Variants in ZNF718 observed in about 807,000 individuals in gnomAD.
ZNF718 encodes zinc finger protein 718.
Under a neutral mutation model 2.6 loss-of-function variants are expected in ZNF718, and 3 were observed. That is an observed-to-expected ratio of 1.16 (90% CI 0.53 to 3.01). ZNF718 has a LOEUF of 3.01. Among genes scored for constraint, ZNF718 ranks in the 30% most tolerant of loss-of-function variants. The probability of loss-of-function intolerance (pLI) is 0.03; values close to 1 mark genes in which losing one functional copy is unlikely to be tolerated. For synonymous variants in ZNF718, 135 were observed against 77.9 expected (o/e 1.73, Z -3.86); for missense variants, 468 against 230.0 (o/e 2.03, Z -6.69).
intron 3 of ZNF718, among the ~76,000 whole-genome samples, chr4:180,493 A>G (rs1717442582): frequency 6.6e-6 from 1 of 152,242 alleles, no homozygotes; most frequent in Admixed American, 6.5e-5. Flanking sequence ...GACAATCACA[A>G]GCAATTTCAC....
intron 3 of ZNF718, among the ~76,000 whole-genome samples, chr4:136,928 G>T (rs1715596060): frequency 6.6e-6 from 1 of 152,166 alleles, no homozygotes. Flanking sequence ...ATGTCAAGTT[G>T]CAGTCCCTAG....
At position 163,128 on chromosome 4, in the gene ZNF718, G is replaced by A. The variant is rs1176476504; in HGVS notation, c.*1006G>A. On this transcript the variant is annotated 3_prime_UTR_variant, in exon 4 of 4. Coordinates refer to ENST00000510175, the MANE Select transcript of ZNF718 (RefSeq NM_001039127.6). Reference sequence around the variant, plus strand: ...CAACTTATTGTTTATATGAAAGCATGTGATGAATTGTTGCATCAGAGGTAT... The same window carrying A: ...CAACTTATTGTTTATATGAAAGCATATGATGAATTGTTGCATCAGAGGTAT... 2 of 152,048 alleles carry A rather than the reference G, an allele frequency of 1.3e-5. No individual in the cohort carries two copies. The highest frequency in any genetic ancestry group is 6.5e-5 in the Admixed American group (1 of 15,270). The allele number at this position is 152,048 out of a possible 1,614,324, so 9.4% of individuals were successfully genotyped here.
At chr4:148,941 G>T (rs1188433675) in intron 3 of ZNF718, among the ~76,000 whole-genome samples, 1 of 152,154 alleles carries the variant, frequency 6.6e-6, no homozygotes, top group East Asian at 1.9e-4. Flanking sequence ...ACTATGATGG[G>T]CAAGCATGCC....
chr4:143,992 G>T (rs1715931935), intron 3 of ZNF718, among the ~76,000 whole-genome samples: 1 of 152,076 alleles, frequency 6.6e-6, no homozygotes, highest in South Asian at 2.1e-4. Context: ...TGGAGGCAGG[G>T]ACCATAAGCC....
chr4:186,477 A>G (rs1157555484), intron 3 of ZNF718, among the ~76,000 whole-genome samples: 1 of 152,092 alleles, frequency 6.6e-6, no homozygotes, highest in Admixed American at 6.6e-5. Context: ...TGGTCTTTTC[A>G]TGGAGTATCT....
downstream of ZNF718, among the ~76,000 whole-genome samples, chr4:166,140 G>A (rs551877301): frequency 8.5e-5 from 13 of 152,184 alleles, no homozygotes; most frequent in Non-Finnish European, 1.9e-4. Context: ...TGAGAATGAT[G>A]GTTTCCAGCT....
chr4:128,079 G>C lies in ZNF718; in HGVS notation c.4-2709G>C, dbSNP rs1715276835. On this transcript the variant is annotated intron_variant, in intron 1 of 3. Transcript: ENST00000510175. ...CCTCCATGAGGTGATCTCTCCTCTG[G>C]TTTTACTCTGCTTACTCTAACCCCT... is the stretch of plus-strand genomic sequence containing the variant. 6.7e-5 allele frequency among the ~76,000 whole-genome samples: 7 copies of C among 103,902 alleles called. 2 individuals carry two copies. The highest frequency in any genetic ancestry group is 2.3e-4 in the African/African-American group (7 of 29,850). 68.2% of individuals were successfully genotyped at this position (103,902 alleles called of 152,430 possible). A position where few individuals can be genotyped will look rare whatever the true frequency, so the allele number is the denominator to read the frequency against.
At chr4:136,609 C>A (rs544567976) in intron 3 of ZNF718, among the ~76,000 whole-genome samples, 1 of 152,364 alleles carries the variant, frequency 6.6e-6, no homozygotes, top group East Asian at 1.9e-4. Context: ...TGAGGTTTCA[C>A]AACCCTAGCC....
chr4:178,234 G>T (rs1392163703), intron 3 of ZNF718, among the ~76,000 whole-genome samples: 1 of 151,770 alleles, frequency 6.6e-6, no homozygotes, highest in Non-Finnish European at 1.5e-5. Flanking sequence ...GACATCCTGG[G>T]CTCAAACAAT....
intron 3 of ZNF718, chr4:141,970 T>C (rs937189594): frequency 1.4e-5 from 7 of 516,760 alleles, no homozygotes; most frequent in Non-Finnish European, 2.7e-5. Context: ...ATTATTATGC[T>C]ACAGTATATT....
At chr4:142,665 A>G (rs1715863627) in intron 3 of ZNF718, among the ~76,000 whole-genome samples, 2 of 152,234 alleles carry the variant, frequency 1.3e-5, no homozygotes, top group East Asian at 3.8e-4. Flanking sequence ...GTTACACAAT[A>G]GACTTTAAAT....
chr4:175,144 A>G (rs1717321694), intron 3 of ZNF718, among the ~76,000 whole-genome samples: 1 of 152,158 alleles, frequency 6.6e-6, no homozygotes, highest in South Asian at 2.1e-4. Flanking sequence ...AAAATCCCTG[A>G]CTCAATTTCA....
intron 3 of ZNF718, among the ~76,000 whole-genome samples, chr4:170,482 C>T (rs1262294274): frequency 2.0e-5 from 3 of 152,220 alleles, no homozygotes; most frequent in African/African-American, 4.8e-5. Flanking sequence ...CTTTCAGGTA[C>T]ACCAATCAGA....
intron 3 of ZNF718, among the ~76,000 whole-genome samples, chr4:152,198 C>T (rs2108796253): frequency 1.4e-5 from 2 of 145,856 alleles, no homozygotes; most frequent in South Asian, 4.6e-4. Flanking sequence ...TTCCATTGCC[C>T]AGGGACAGGC....
chr4:157,009 C>T (rs895979924), intron 3 of ZNF718, among the ~76,000 whole-genome samples: 44 of 150,964 alleles, frequency 2.9e-4, no homozygotes, highest in Non-Finnish European at 5.9e-4. Flanking sequence ...TAAATTGTTT[C>T]AATTTTTAGC....
chr4:128,303 T>G lies in ZNF718; in HGVS notation c.4-2485T>G, dbSNP rs1407939702. ...TGGGGCCCTTTGAGTTTTCCAGATCTTGTTCAGTGACCTGCTACAGCTGTG... is the reference window on the plus strand; with the variant it reads ...TGGGGCCCTTTGAGTTTTCCAGATCGTGTTCAGTGACCTGCTACAGCTGTG... On this transcript the variant is annotated intron_variant, in intron 1 of 3. Coordinates refer to ENST00000510175, the MANE Select transcript of ZNF718 (RefSeq NM_001039127.6). 2.9e-5 allele frequency among the ~76,000 whole-genome samples: 3 copies of G among 103,834 alleles called. 1 individual carries two copies. The highest frequency in any genetic ancestry group is 6.4e-5 in the Non-Finnish European group (3 of 46,660). 68.1% of individuals were successfully genotyped at this position (103,834 alleles called of 152,430 possible).
rs1230730497 is a variant in ZNF718, at chr4:124,792, C to T, written c.3+119C>T. The T allele has an allele frequency of 1.0e-5, 14 of 1,400,064 alleles. No individual in the cohort carries two copies. In the African/African-American group the frequency reaches 1.3e-4, roughly 13 times the overall value. 86.7% of individuals were successfully genotyped at this position (1,400,064 alleles called of 1,614,324 possible). On this transcript the variant is annotated intron_variant, in intron 1 of 3. Coordinates refer to ENST00000510175, the MANE Select transcript of ZNF718 (RefSeq NM_001039127.6). ...CCCGCTCAGCCCTCTGTCCTCAGTC[C>T]CCTCCGGTGAGGGACCCGCGCTCTT...
At chr4:164,452 G>A (rs1717039622), downstream of ZNF718, among the ~76,000 whole-genome samples, 2 of 152,032 alleles carry the variant, frequency 1.3e-5, no homozygotes, top group Non-Finnish European at 2.9e-5. Flanking sequence ...ATTAATTGCT[G>A]TAGAATCTAA....
intron 3 of ZNF718, among the ~76,000 whole-genome samples, chr4:189,388 A>G (rs527697195): frequency 1.3e-5 from 2 of 152,144 alleles, no homozygotes; most frequent in Non-Finnish European, 2.9e-5. Context: ...ATGTTCCCAA[A>G]TGGTTTTTCC....
Sources: allele counts gnomAD v4.1 joint callset (sites outside exome capture counted in the v4.1 genomes callset), GRCh38; gene constraint gnomAD v4.1.1; transcripts MANE v1.5; gene names NCBI Gene and HGNC (gene_info 2026-07-23, HGNC 2026-07-21).